The following CWF19L2 variants were observed in gnomAD, a reference collection of about 807,000 sequenced individuals.
CWF19L2 encodes the protein CWF19 like cell cycle control factor 2.
CWF19L2 carries 98 observed loss-of-function variants against 111.7 expected under a neutral mutation model. The observed-to-expected ratio is 0.88, with a 90% CI of 0.75 to 1.04. The LOEUF (loss-of-function observed/expected upper bound fraction) is 1.04. Among genes scored for constraint, CWF19L2 ranks in the 50% least tolerant of loss-of-function variants. The pLI is 0.00. For synonymous variants in CWF19L2, 351 were observed against 342.9 expected (o/e 1.02, Z -0.26); for missense variants, 1,101 against 1,051.4 (o/e 1.05, Z -0.65).
intron 3 of CWF19L2, among the ~76,000 whole-genome samples, chr11:107,445,149 C>G (rs1347107897): frequency 6.6e-6 from 1 of 152,206 alleles, no homozygotes; most frequent in Non-Finnish European, 1.5e-5. Context: ...ATTCACAATT[C>G]TAATTCCAGC....
intron 17 of CWF19L2, among the ~76,000 whole-genome samples, chr11:107,327,635 A>G (rs989420878): frequency 3.3e-5 from 5 of 152,098 alleles, no homozygotes; most frequent in Non-Finnish European, 5.9e-5. Context: ...CCCATAATAA[A>G]TGGCTTTTTG....
intron 4 of CWF19L2, 108 bp from the exon 5 acceptor site, chr11:107,441,730 A>T: frequency 8.5e-7 from 1 of 1,173,070 alleles, no homozygotes. Flanking sequence ...CTTTGGAGGC[A>T]ATCAAACCTG....
At chr11:107,396,483 A>C (rs903967442) in intron 10 of CWF19L2, among the ~76,000 whole-genome samples, 1 of 152,206 alleles carries the variant, frequency 6.6e-6, no homozygotes, top group African/African-American at 2.4e-5. Context: ...ATGGATTCTT[A>C]TTTTAAAGGA....
intron 10 of CWF19L2, among the ~76,000 whole-genome samples, chr11:107,411,147 T>C (rs78619426): frequency 0.013 from 1,954 of 151,726 alleles, 35 homozygotes; most frequent in African/African-American, 0.044. Flanking sequence ...TATATTCTTA[T>C]TGGTTAGGGT....
chr11:107,361,986 G>T (rs1326432383), intron 12 of CWF19L2, among the ~76,000 whole-genome samples: 1 of 152,222 alleles, frequency 6.6e-6, no homozygotes, highest in Non-Finnish European at 1.5e-5. Context: ...GTGAGCCGAA[G>T]CAGGGCGAGG....
Position 107,396,589 on chromosome 11 carries a change from T to C in CWF19L2, c.1618-3694A>G, listed in dbSNP as rs552048951. Among the ~76,000 whole-genome samples, 20 of 152,340 alleles carry C rather than the reference T, an allele frequency of 1.3e-4. 1 individual carries two copies. The South Asian group carries it at 3.9e-3, about 30-fold the overall frequency. The stretch of plus-strand genomic sequence containing the variant: ...TCCCTGTTGGTATCTATAGTATTTG[T>C]GAGATAATAAATTTCTCCCACAAGT... On this transcript the variant is annotated intron_variant, in intron 10 of 17. Transcript: ENST00000282251.
intron 8 of CWF19L2, 37 bp downstream of exon 8, chr11:107,428,762 G>T: frequency 6.8e-7 from 1 of 1,481,480 alleles, no homozygotes. Flanking sequence ...TGAACTCTCT[G>T]GATCTTAACT....
At chr11:107,337,352 G>A (rs1261542370) in intron 14 of CWF19L2, among the ~76,000 whole-genome samples, 1 of 149,396 alleles carries the variant, frequency 6.7e-6, no homozygotes, top group Admixed American at 6.8e-5. Flanking sequence ...ATAATCAGTT[G>A]TGGAGGTGTG....
At chr11:107,410,574 TA>T (rs1212903094) in intron 10 of CWF19L2, among the ~76,000 whole-genome samples, 1 of 152,180 alleles carries the variant, frequency 6.6e-6, no homozygotes, top group Non-Finnish European at 1.5e-5. Flanking sequence ...TAACACTTCG[TA>T]TGATACTTCG....
chr11:107,342,943 T>C (rs1860026676), intron 14 of CWF19L2, among the ~76,000 whole-genome samples: 1 of 152,086 alleles, frequency 6.6e-6, no homozygotes, highest in African/African-American at 2.4e-5. Context: ...TGGCAGCCCC[T>C]AGAAACTAGA....
In CWF19L2 at chr11:107,455,653, T is replaced by C. The variant is rs1004324269; in HGVS notation, c.216+13A>G. On this transcript the variant is annotated intron_variant, in intron 2 of 17. Transcript: ENST00000282251. ...CAGATATCCTTACATCACGTAAACC[T>C]GTTAGTATTCACCTGTGAGAACTGT... 10 of 1,442,638 alleles carry C rather than the reference T, an allele frequency of 6.9e-6. No homozygotes were observed. The Admixed American group carries it at 1.9e-4, about 27-fold the overall frequency. The allele number at this position is 1,442,638 out of a possible 1,614,324, so 89.4% of individuals were successfully genotyped here. A position where few individuals can be genotyped will look rare whatever the true frequency, so the allele number is the denominator to read the frequency against.
intron 13 of CWF19L2, among the ~76,000 whole-genome samples, chr11:107,349,835 A>G (rs1860132695): frequency 6.6e-6 from 1 of 152,172 alleles, no homozygotes; most frequent in African/African-American, 2.4e-5. Context: ...CTAAAATTAC[A>G]GTAAAATCAC....
At chr11:107,416,158 C>T (rs1425892628) in intron 10 of CWF19L2, 51 bp downstream of exon 10, 5 of 455,338 alleles carry the variant, frequency 1.1e-5, no homozygotes, top group Admixed American at 1.0e-4. Flanking sequence ...TACCACTGCC[C>T]GGTGGTAGTT....
intron 11 of CWF19L2, among the ~76,000 whole-genome samples, chr11:107,392,517 A>C (rs1860863377): frequency 6.6e-6 from 1 of 152,188 alleles, no homozygotes; most frequent in African/African-American, 2.4e-5. Flanking sequence ...AAACAACATC[A>C]AAGAAATGTA....
intron 8 of CWF19L2, among the ~76,000 whole-genome samples, chr11:107,424,248 C>A (rs950881039): frequency 1.3e-5 from 2 of 151,446 alleles, no homozygotes; most frequent in African/African-American, 4.8e-5. Context: ...AAATGGACCC[C>A]ACACTCACCC....
intron 12 of CWF19L2, among the ~76,000 whole-genome samples, chr11:107,379,464 C>G (rs1035670975): frequency 2.0e-5 from 3 of 152,214 alleles, no homozygotes; most frequent in South Asian, 2.1e-4. Flanking sequence ...GGCTGTGAAG[C>G]CATGTTCAAG....
rs141269975 is a variant in CWF19L2 at position 107,385,929 on chromosome 11, C to G, written c.1872+4145G>C. 3.3e-5 allele frequency among the ~76,000 whole-genome samples: 5 copies of G among 152,184 alleles called. No individual in the cohort carries two copies. In the East Asian group the frequency reaches 9.7e-4, roughly 29 times the overall value. On this transcript the variant is annotated intron_variant, in intron 12 of 17. Transcript: ENST00000282251. Reference sequence around the variant, plus strand: ...TTTACTTAATAATAGCCTGAAACTGCGAGAGTAGCAATGCTGGCATATTGC... The same window carrying G: ...TTTACTTAATAATAGCCTGAAACTGGGAGAGTAGCAATGCTGGCATATTGC...
In CWF19L2 at chr11:107,343,686, A is replaced by C. The variant is rs146798720; in HGVS notation, c.2202+5251T>G. On this transcript the variant is annotated intron_variant, in intron 14 of 17. Transcript: ENST00000282251. The stretch of plus-strand genomic sequence containing the variant: ...CCGATGGTTATTTGAACATTTTCAG[A>C]ATTCCATTTTGATTTATTTAGTGTT... Among the ~76,000 whole-genome samples, 22 of 151,776 alleles carry C rather than the reference A, an allele frequency of 1.4e-4. No individual in the cohort carries two copies. The East Asian group carries it at 1.8e-3, about 12-fold the overall frequency.
chr11:107,392,142 G>A (rs149273343), intron 11 of CWF19L2, among the ~76,000 whole-genome samples: 1 of 152,122 alleles, frequency 6.6e-6, no homozygotes, highest in African/African-American at 2.4e-5. Context: ...TAGCAACATA[G>A]GCACTCAACA....
Sources: gnomAD v4.1 joint callset for allele counts (sites outside exome capture counted in the v4.1 genomes callset) on GRCh38, gnomAD v4.1.1 for gene constraint, MANE v1.5 for transcripts, NCBI Gene and HGNC (gene_info 2026-07-23, HGNC 2026-07-21) for gene names.